The following ESPN variants were observed in gnomAD, a reference collection of about 807,000 sequenced individuals.
ESPN encodes autosomal recessive deafness type 36 protein.
In ESPN, 68 loss-of-function variants were observed where a neutral mutation model predicts 77.7. That is an observed-to-expected ratio of 0.87 (90% confidence interval 0.72 to 1.07). The LOEUF (loss-of-function observed/expected upper bound fraction) is 1.07. Ranked by LOEUF, ESPN falls within the 50% of genes least tolerant of loss-of-function variation. The pLI, the probability that ESPN is intolerant of heterozygous loss-of-function variation, is 0.00. For synonymous variants in ESPN, 449 were observed against 567.1 expected (o/e 0.79, Z 2.96); for missense variants, 1,060 against 1,239.0 (o/e 0.86, Z 2.17).
intron 2 of ESPN, among the ~76,000 whole-genome samples, chr1:6,429,070 G>C (rs1049803357): frequency 6.8e-6 from 1 of 146,922 alleles, no homozygotes; most frequent in Non-Finnish European, 1.5e-5. Flanking sequence ...GGGTCACACA[G>C]AGCAGGGGGC....
At position 6,436,515 on chromosome 1, in the gene ESPN, T is replaced by TTATA. The variant is rs1215993885; in HGVS notation, c.489-3736_489-3735insATAT. On this transcript the variant is annotated intron_variant, in intron 2 of 12. Coordinates refer to ENST00000645284, the MANE Select transcript of ESPN (RefSeq NM_031475.3). The stretch of plus-strand genomic sequence containing the variant: ...TTTATTTATTTATTTATTTATTTAT[T>TTATA]TATTTTAGAGGCAGGATCTTGCTCT... Among the ~76,000 whole-genome samples, 121 of 150,366 alleles carry TTATA rather than the reference T, an allele frequency of 8.0e-4. 1 individual carries two copies. The highest frequency in any genetic ancestry group is 4.3e-4 in the Non-Finnish European group (29 of 67,478).
At chr1:6,455,915 G>A (rs1180706827) in intron 10 of ESPN, 4 of 398,844 alleles carry the variant, frequency 1.0e-5, no homozygotes, top group African/African-American at 2.1e-5. Flanking sequence ...AGGAAGAGGA[G>A]GGGAAAGAAC....
intron 12 of ESPN, among the ~76,000 whole-genome samples, 168 bp from the exon 13 acceptor site, chr1:6,459,831 G>GC (rs1383957551): frequency 6.6e-6 from 1 of 151,932 alleles, no homozygotes; most frequent in African/African-American, 2.4e-5. Context: ...ACCCCATTCT[G>GC]CCCCCAATCT....
rs1644131182 is a variant in ESPN at position 6,460,083 on chromosome 1, G to A, written c.2502G>A (p.Glu834=). The A allele has an allele frequency of 1.2e-6, 2 of 1,613,480 alleles. No homozygotes were observed. The highest frequency in any genetic ancestry group is 1.7e-6 in the Non-Finnish European group (2 of 1,180,038). The change falls in exon 13 of 13, where the codon GAG becomes GAA. Residue 834 remains glutamate, a synonymous_variant. Transcript: ENST00000645284. ...AGCTGCGGACGCTGGGCTACGATGAGAGCAAGCTGGCGCCCTGGCAGCGAC... is the reference window on the plus strand; with the variant it reads ...AGCTGCGGACGCTGGGCTACGATGAAAGCAAGCTGGCGCCCTGGCAGCGAC... ...SEKLRTLGYD[E]SKLAPWQRQV... is the part of the protein sequence containing the mutation.
intron 2 of ESPN, among the ~76,000 whole-genome samples, chr1:6,436,667 G>T (rs750195667): frequency 3.8e-4 from 58 of 151,928 alleles, no homozygotes; most frequent in Non-Finnish European, 7.4e-4. Flanking sequence ...AACACACCTG[G>T]CTCATTTTTG....
chr1:6,435,300 G>A (rs1430296980), intron 2 of ESPN, among the ~76,000 whole-genome samples: 7 of 152,172 alleles, frequency 4.6e-5, no homozygotes, highest in Non-Finnish European at 1.0e-4. Flanking sequence ...AGTGGGGAGG[G>A]CTGCGGGAAT....
intron 12 of ESPN, among the ~76,000 whole-genome samples, chr1:6,457,944 G>A (rs1240604311): frequency 6.6e-6 from 1 of 151,612 alleles, no homozygotes; most frequent in Non-Finnish European, 1.5e-5. Context: ...GGCCAAGGCA[G>A]GGGGACCACT....
At chr1:6,443,671 C>CT (rs1643725731) in intron 5 of ESPN, among the ~76,000 whole-genome samples, 1 of 152,240 alleles carries the variant, frequency 6.6e-6, no homozygotes, top group Non-Finnish European at 1.5e-5. Context: ...CCACAGAGCC[C>CT]CTAATTACGG....
intron 10 of ESPN, chr1:6,455,415 G>T (rs560807921): frequency 5.1e-6 from 2 of 392,568 alleles, no homozygotes; most frequent in South Asian, 2.6e-4. Context: ...GGCCACGGAC[G>T]CCCCCCGGCT....
downstream of ESPN, chr1:6,461,291 C>A: frequency 1.9e-6 from 2 of 1,054,244 alleles, no homozygotes; most frequent in Middle Eastern, 2.0e-4. The surrounding 1 kb of genome is among the most constrained non-coding windows in gnomAD (Gnocchi z 6.3). Context: ...TAGGGGCGAG[C>A]AGGGGTGGGG....
At chr1:6,426,233 C>A (rs1349835364) in intron 1 of ESPN, among the ~76,000 whole-genome samples, 1 of 152,246 alleles carries the variant, frequency 6.6e-6, no homozygotes, top group Non-Finnish European at 1.5e-5. Context: ...AGATAGCAAG[C>A]CCCTCTTCCC....
intron 3 of ESPN, 51 bp from the exon 4 acceptor site, chr1:6,440,575 A>G: frequency 1.0e-6 from 1 of 980,852 alleles, no homozygotes; most frequent in Non-Finnish European, 1.4e-6. Context: ...GCGGGCCTAC[A>G]GGGGCCTGGC....
intron 5 of ESPN, among the ~76,000 whole-genome samples, chr1:6,441,323 A>C (rs1643629083): frequency 6.6e-6 from 1 of 152,218 alleles, no homozygotes; most frequent in South Asian, 2.1e-4. Flanking sequence ...GACAGGACCC[A>C]CTGGGAATAG....
At chr1:6,434,795 CA>C (rs146041420) in intron 2 of ESPN, among the ~76,000 whole-genome samples, 9,352 of 152,190 alleles carry the variant, frequency 0.061, 317 homozygotes, top group Middle Eastern at 0.078. Context: ...GTGAAATGAG[CA>C]GTTTGGTAGG....
intron 2 of ESPN, 49 bp from the exon 3 acceptor site, chr1:6,440,205 G>C: frequency 6.5e-7 from 1 of 1,529,576 alleles, no homozygotes; most frequent in South Asian, 1.2e-5. Context: ...AGAAGGCCTC[G>C]GAGGGGGTGA....
Position 6,460,242 on chromosome 1 carries a change from C to G in ESPN, c.*96C>G. ...CCTGGTGGAAAGGCTGGGAGCCGCACAGCCCTCCCCTCCTGCGCTGGAAAC... is the reference window on the plus strand; with the variant it reads ...CCTGGTGGAAAGGCTGGGAGCCGCAGAGCCCTCCCCTCCTGCGCTGGAAAC... On this transcript the variant is annotated 3_prime_UTR_variant, in exon 13 of 13. Coordinates refer to ENST00000645284, the MANE Select transcript of ESPN (RefSeq NM_031475.3). The G allele has an allele frequency of 6.8e-7, 1 of 1,478,562 alleles. No homozygotes were observed. Among genetic ancestry groups the G allele is most frequent in the Non-Finnish European group, 9.2e-7 (1 of 1,089,954 alleles). The allele number at this position is 1,478,562 out of a possible 1,614,324, so 91.6% of individuals were successfully genotyped here.
At chr1:6,438,808 G>A (rs1016629459) in intron 2 of ESPN, among the ~76,000 whole-genome samples, 1 of 152,236 alleles carries the variant, frequency 6.6e-6, no homozygotes, top group African/African-American at 2.4e-5. Flanking sequence ...AATCTCAGTT[G>A]ATGGTCATAG....
At chr1:6,454,210 G>T (rs1644006523) in intron 10 of ESPN, among the ~76,000 whole-genome samples, 1 of 152,148 alleles carries the variant, frequency 6.6e-6, no homozygotes, top group Non-Finnish European at 1.5e-5. Flanking sequence ...CGTGCCCCAC[G>T]CCACCGACCA....
In ESPN at chr1:6,440,005, TCTC is replaced by T. The variant is rs1156861741; in HGVS notation, c.489-248_489-246del. 4.9e-5 allele frequency among the ~76,000 whole-genome samples: 7 copies of T among 144,064 alleles called. No homozygotes were observed. In the East Asian group the frequency reaches 1.2e-3, roughly 25 times the overall value. 94.5% of individuals were successfully genotyped at this position (144,064 alleles called of 152,430 possible). On this transcript the variant is annotated intron_variant, in intron 2 of 12. Coordinates refer to ENST00000645284, the MANE Select transcript of ESPN (RefSeq NM_031475.3). Reference sequence around the variant, plus strand: ...GCCTGGGCGACAGAGCTAGACTTCTTCTCAAAAAAAAAAGTAGGACTGAGGGCA... The same window carrying T: ...GCCTGGGCGACAGAGCTAGACTTCTTAAAAAAAAAAGTAGGACTGAGGGCA...
Sources: gnomAD v4.1 joint callset for allele counts (sites outside exome capture counted in the v4.1 genomes callset) on GRCh38, gnomAD v4.1.1 for gene constraint, Gnocchi (gnomAD v3.1) non-coding constraint, MANE v1.5 for transcripts, NCBI Gene and HGNC (gene_info 2026-07-23, HGNC 2026-07-21) for gene names.